PKP1: variants seen among roughly 807,000 people sequenced by gnomAD.
The protein encoded by PKP1 is plakophilin 1.
Under a neutral mutation model 76.4 loss-of-function variants are expected in PKP1, and 27 were observed. The ratio of observed to expected loss-of-function variants is 0.35; its 90% confidence interval spans 0.26 to 0.49. PKP1 has a LOEUF of 0.49. Among genes scored for constraint, PKP1 ranks in the 20% least tolerant of loss-of-function variants. PKP1 has a pLI of 0.99. For missense variants in PKP1, 964 were observed against 955.2 expected, an observed-to-expected ratio of 1.01 and a Z score of -0.12; for synonymous variants, 404 against 384.2, an observed-to-expected ratio of 1.05 and a Z score of -0.60.
chr1:201,294,292 G>C (rs748912306), intron 2 of PKP1, among the ~76,000 whole-genome samples: 59 of 152,142 alleles, frequency 3.9e-4, no homozygotes, highest in African/African-American at 1.3e-3. Flanking sequence ...TTTTTAAAAG[G>C]CATTTAAAAA....
chr1:201,285,616 T>C (rs994701125), intron 1 of PKP1, among the ~76,000 whole-genome samples: 2 of 152,248 alleles, frequency 1.3e-5, no homozygotes, highest in Non-Finnish European at 2.9e-5. Flanking sequence ...CTCTCCTCTC[T>C]GCACAAGACT....
chr1:201,297,777 T>C (rs1399055211), intron 2 of PKP1, among the ~76,000 whole-genome samples: 1 of 152,140 alleles, frequency 6.6e-6, no homozygotes, highest in Non-Finnish European at 1.5e-5. Flanking sequence ...ATTTCCTCCC[T>C]TCCCATCCCC....
At chr1:201,284,011 G>T in intron 1 of PKP1, 107 bp downstream of exon 1, 1 of 1,036,024 alleles carries the variant, frequency 9.7e-7, no homozygotes, top group Non-Finnish European at 1.5e-6. Context: ...GGGAGGCGAG[G>T]GGCTGCCGGC....
chr1:201,319,771 T>C (rs1283234439), intron 6 of PKP1: 1 of 1,606,170 alleles, frequency 6.2e-7, no homozygotes, highest in Non-Finnish European at 8.5e-7. Context: ...CACCCCCAGA[T>C]CCACTTCTGA....
intron 2 of PKP1, among the ~76,000 whole-genome samples, chr1:201,308,860 C>G (rs1014541954): frequency 1.3e-5 from 2 of 152,048 alleles, no homozygotes; most frequent in Admixed American, 1.3e-4. Context: ...GACCAGAGCC[C>G]TGGGGGCTGG....
At position 201,328,841 on chromosome 1, in the gene PKP1, A is replaced by G; in HGVS notation, c.*5A>G. On this transcript the variant is annotated 3_prime_UTR_variant, in exon 13 of 14. Coordinates refer to ENST00000367324, the MANE Select transcript of PKP1 (RefSeq NM_001005337.3). ...AACTTCACCTCCCGATTCTAAGAAG[A>G]GACTGTCCAAGCAAGTTAGGCTTGC... 1.9e-6 allele frequency: 3 copies of G among 1,612,386 alleles called. No individual in the cohort carries two copies. The highest frequency in any genetic ancestry group is 2.5e-6 in the Non-Finnish European group (3 of 1,178,382).
intron 2 of PKP1, among the ~76,000 whole-genome samples, chr1:201,305,873 A>G (rs1174063369): frequency 2.0e-5 from 3 of 152,272 alleles, no homozygotes; most frequent in East Asian, 1.9e-4. Context: ...ATGAACCATC[A>G]CTGGGACAAT....
chr1:201,326,845 C>T (rs1028418036), intron 12 of PKP1, among the ~76,000 whole-genome samples: 15 of 152,226 alleles, frequency 9.9e-5, no homozygotes, highest in African/African-American at 3.4e-4. Flanking sequence ...TGAAGACCAT[C>T]TGCTGGGGAC....
chr1:201,298,666 A>G (rs1179883944), intron 2 of PKP1, among the ~76,000 whole-genome samples: 1 of 152,208 alleles, frequency 6.6e-6, no homozygotes, highest in East Asian at 1.9e-4. Flanking sequence ...GAACTCCCAG[A>G]ATATAACAAG....
At chr1:201,310,602 GC>G (rs1333954504) in intron 2 of PKP1, among the ~76,000 whole-genome samples, 3 of 152,228 alleles carry the variant, frequency 2.0e-5, no homozygotes, top group Non-Finnish European at 2.9e-5. Context: ...GGGAATCCAG[GC>G]CCCCTCATGG....
At chr1:201,296,637 G>A (rs1406933164) in intron 2 of PKP1, among the ~76,000 whole-genome samples, 1 of 152,224 alleles carries the variant, frequency 6.6e-6, no homozygotes, top group Non-Finnish European at 1.5e-5. Flanking sequence ...AAAAGAATCT[G>A]ACTTTGCCCT....
intron 2 of PKP1, among the ~76,000 whole-genome samples, chr1:201,306,158 A>C (rs1214366329): frequency 6.6e-6 from 1 of 152,132 alleles, no homozygotes; most frequent in Admixed American, 6.5e-5. Flanking sequence ...GCTGAGAAAA[A>C]CCTATTTCTC....
At chr1:201,301,716 G>A (rs1656235621) in intron 2 of PKP1, among the ~76,000 whole-genome samples, 1 of 151,376 alleles carries the variant, frequency 6.6e-6, no homozygotes, top group Admixed American at 6.6e-5. Context: ...GAAATTGGTG[G>A]AGTTTCATTT....
At chr1:201,310,702 C>T (rs547746310) in intron 2 of PKP1, among the ~76,000 whole-genome samples, 2 of 152,322 alleles carry the variant, frequency 1.3e-5, no homozygotes, top group South Asian at 2.1e-4. Context: ...GAGAGTCATA[C>T]CCAGCTGTCC....
chr1:201,313,902 T>C (rs970851817), intron 3 of PKP1, among the ~76,000 whole-genome samples: 1 of 152,178 alleles, frequency 6.6e-6, no homozygotes, highest in African/African-American at 2.4e-5. Context: ...AAATGCTCAT[T>C]TGGGGACCCA....
rs1156452211 is a variant in PKP1, at chr1:201,322,138, G to A, written c.1503+5G>A. On this transcript the variant is annotated splice_donor_5th_base_variant and intron_variant, in intron 8 of 13. Coordinates refer to ENST00000367324, the MANE Select transcript of PKP1 (RefSeq NM_001005337.3). The stretch of plus-strand genomic sequence containing the variant: ...AACAAGAGCGACAAGATGATGGTGA[G>A]CACAGCATCAGCAGGGCGGGGCCTG... 1.2e-6 allele frequency: 2 copies of A among 1,610,054 alleles called. No homozygotes were observed. Among genetic ancestry groups the A allele is most frequent in the South Asian group, 2.2e-5 (2 of 91,064 alleles).
At chr1:201,325,620 C>G in intron 11 of PKP1, 134 bp from the exon 12 acceptor site, 1 of 736,700 alleles carries the variant, frequency 1.4e-6, no homozygotes, top group Non-Finnish European at 2.4e-6. Flanking sequence ...GGGCTCCTCT[C>G]TTTTGCACAC....
intron 13 of PKP1, among the ~76,000 whole-genome samples, chr1:201,329,252 T>A (rs572495585): frequency 6.6e-6 from 1 of 152,316 alleles, no homozygotes; most frequent in Admixed American, 6.5e-5. Flanking sequence ...CACTTTTTTA[T>A]CCTTTTATAA....
At chr1:201,304,097 G>T (rs997117387) in intron 2 of PKP1, among the ~76,000 whole-genome samples, 2 of 152,138 alleles carry the variant, frequency 1.3e-5, no homozygotes, top group Non-Finnish European at 2.9e-5. Flanking sequence ...AGGGCCCCCA[G>T]GAAGTCCCTA....
Sources: allele counts gnomAD v4.1 joint callset (sites outside exome capture counted in the v4.1 genomes callset), GRCh38; gene constraint gnomAD v4.1.1; transcripts MANE v1.5; gene names NCBI Gene and HGNC (gene_info 2026-07-23, HGNC 2026-07-21).